Variants in UGT1A4 observed in about 807,000 individuals in gnomAD.
UGT1A4 encodes the protein UDP-glucuronosyltransferase 1A4.
Under a neutral mutation model 41.1 loss-of-function variants are expected in UGT1A4, and 32 were observed. The observed-to-expected ratio is 0.78, with a 90% CI of 0.59 to 1.05. The LOEUF is 1.05. Among genes scored for constraint, UGT1A4 ranks in the 50% least tolerant of loss-of-function variants. The pLI, the probability that UGT1A4 is intolerant of heterozygous loss-of-function variation, is 0.00. For missense variants in UGT1A4, 748 were observed against 677.4 expected (o/e 1.10, Z -1.16); for synonymous variants, 283 against 265.1 (o/e 1.07, Z -0.66).
intron 1 of UGT1A4, among the ~76,000 whole-genome samples, chr2:233,730,768 A>G (rs1007690415): frequency 3.9e-5 from 6 of 152,134 alleles, no homozygotes; most frequent in African/African-American, 1.4e-4. Flanking sequence ...TGAATCTATA[A>G]GCCCAGTGAA....
chr2:233,728,564 A>T (rs2077727018), intron 1 of UGT1A4, among the ~76,000 whole-genome samples: 1 of 152,200 alleles, frequency 6.6e-6, no homozygotes, highest in Non-Finnish European at 1.5e-5. Flanking sequence ...TACAAGAAAT[A>T]TCCTGGTGCG....
chr2:233,718,962 T>G lies in UGT1A4; in HGVS notation c.142T>G (p.Leu48Val), dbSNP rs2011425. The G allele has an allele frequency of 0.094, 152,197 of 1,614,090 alleles. 8,216 individuals are homozygous for G. Among genetic ancestry groups the G allele is most frequent in the South Asian group, 0.19 (17,665 of 91,068 alleles). The change falls in exon 1 of 5, where the codon TTG becomes GTG. Residue 48 changes from leucine to valine, a missense_variant. Transcript: ENST00000373409. ...CCCCTGGCTCAGCATGCGGGAGGCCTTGCGGGAGCTCCATGCCAGAGGCCA... is the reference window on the plus strand; with the variant it reads ...CCCCTGGCTCAGCATGCGGGAGGCCGTGCGGGAGCTCCATGCCAGAGGCCA... The part of the protein sequence containing the change: ...GSPWLSMREA[L>V]RELHARGHQA...
intron 1 of UGT1A4, among the ~76,000 whole-genome samples, chr2:233,749,698 G>A (rs1694252344): frequency 6.6e-6 from 1 of 151,854 alleles, no homozygotes; most frequent in Non-Finnish European, 1.5e-5. Flanking sequence ...TCTGGTGGGA[G>A]GTGATTGGAT....
In UGT1A4 at chr2:233,719,338, G is replaced by T. The variant is rs546499527; in HGVS notation, c.518G>T (p.Trp173Leu). 33 of 1,613,808 alleles carry T rather than the reference G, an allele frequency of 2.0e-5. No homozygotes were observed. Among genetic ancestry groups the T allele is most frequent in the South Asian group, 1.1e-4 (10 of 91,058 alleles). ...KYLSIPAVFF[W>L]RYIPCDLDFK... ...CTGTCGATTCCTGCTGTGTTTTTTT[G>T]GAGGTACATTCCATGTGACTTAGAC... is the stretch of plus-strand genomic sequence containing the variant. The change falls in exon 1 of 5, where the codon TGG becomes TTG. Residue 173 changes from tryptophan (W) to leucine (L), a missense_variant. By Grantham distance (61) the Trp-to-Leu change is moderately conservative (BLOSUM62 -2). Transcript: ENST00000373409.
chr2:233,741,330 A>G lies in UGT1A4; in HGVS notation c.867+21643A>G, dbSNP rs546865407. On this transcript the variant is annotated intron_variant, in intron 1 of 4. Coordinates refer to ENST00000373409, the MANE Select transcript of UGT1A4 (RefSeq NM_007120.3). ...CACACCAACTCATTCTACTCTACCC[A>G]GAGTAGTGATTTCCAACACACAAAA... is the stretch of plus-strand genomic sequence containing the variant. Among the ~76,000 whole-genome samples the G allele has an allele frequency of 1.8e-4, 27 of 151,932 alleles. 1 individual carries two copies. Among genetic ancestry groups the G allele is most frequent in the African/African-American group, 5.6e-4 (23 of 41,194 alleles).
At chr2:233,761,914 T>C (rs28900396) in intron 1 of UGT1A4, among the ~76,000 whole-genome samples, 9,111 of 152,302 alleles carry the variant, frequency 0.06, 854 homozygotes, top group African/African-American at 0.21. Flanking sequence ...GAGGATCTAC[T>C]GGCAGCCCAG....
chr2:233,724,540 G>A (rs1161691820), intron 1 of UGT1A4, among the ~76,000 whole-genome samples: 2 of 122,844 alleles, frequency 1.6e-5, no homozygotes, highest in African/African-American at 3.3e-5. Context: ...CCGGGCAGAG[G>A]CGCTCCTCAC....
chr2:233,768,228 A>G lies in UGT1A4; in HGVS notation c.1096A>G (p.Met366Val), dbSNP rs367784507. 6.8e-6 allele frequency: 11 copies of G among 1,614,094 alleles called. No individual in the cohort carries two copies. Among genetic ancestry groups the G allele is most frequent in the Non-Finnish European group, 9.3e-6 (11 of 1,180,048 alleles). Residue 366 changes from methionine (M) to valine (V), a missense_variant, in exon 4 of 5, where the codon ATG becomes GTG. Physicochemically the swap from Met to Val is conservative, Grantham distance 21. Coordinates refer to ENST00000373409, the MANE Select transcript of UGT1A4 (RefSeq NM_007120.3). ...CCTATTTTGCATCTCAGGTCACCCG[A>G]TGACCCGTGCCTTTATCACCCATGC... ...LPQNDLLGHP[M>V]TRAFITHAGS...
rs375498105 is a variant in UGT1A4 at position 233,743,694 on chromosome 2, C to T, written c.868-23340C>T. 64 of 1,367,302 alleles carry T rather than the reference C, an allele frequency of 4.7e-5. No homozygotes were observed. In the African/African-American group the frequency reaches 6.5e-4, roughly 14 times the overall value. The allele number at this position is 1,367,302 out of a possible 1,614,324, so 84.7% of individuals were successfully genotyped here. A position where few individuals can be genotyped will look rare whatever the true frequency, so the allele number is the denominator to read the frequency against. ...AAGGGCCTGCCGCCTGTGCAGCCGC[C>T]CTCCGCCCCCGCCTCGCCATAGCGG... On this transcript the variant is annotated intron_variant, in intron 1 of 4. Coordinates refer to ENST00000373409, the MANE Select transcript of UGT1A4 (RefSeq NM_007120.3).
At chr2:233,746,305 A>G (rs1693353993) in intron 1 of UGT1A4, among the ~76,000 whole-genome samples, 1 of 151,774 alleles carries the variant, frequency 6.6e-6, no homozygotes, top group Non-Finnish European at 1.5e-5. Context: ...TTTCCCTTGG[A>G]GGGCCCTGTA....
chr2:233,746,165 A>G (rs530256545), intron 1 of UGT1A4, among the ~76,000 whole-genome samples: 2 of 151,990 alleles, frequency 1.3e-5, no homozygotes, highest in South Asian at 4.2e-4. Context: ...CAAAGCCAAA[A>G]TCTTGCCTGT....
chr2:233,765,571 G>A (rs997936570), intron 1 of UGT1A4, among the ~76,000 whole-genome samples: 4 of 152,064 alleles, frequency 2.6e-5, no homozygotes, highest in Admixed American at 2.0e-4. Flanking sequence ...ATGCGTAGAC[G>A]CAGGGAGGGG....
At chr2:233,742,031 C>T (rs1309709104) in intron 1 of UGT1A4, 1 of 151,878 alleles carries the variant, frequency 6.6e-6, no homozygotes, top group African/African-American at 2.4e-5. Context: ...TTTGATATGT[C>T]CCAAGCATAG....
At chr2:233,731,424 A>G (rs1264349452) in intron 1 of UGT1A4, among the ~76,000 whole-genome samples, 1 of 151,642 alleles carries the variant, frequency 6.6e-6, no homozygotes, top group East Asian at 1.9e-4. Context: ...TCCTAATGCC[A>G]TCCCTCCCCC....
chr2:233,737,526 G>A (rs574961545), intron 1 of UGT1A4, among the ~76,000 whole-genome samples: 8 of 152,286 alleles, frequency 5.3e-5, no homozygotes, highest in East Asian at 3.9e-4. Context: ...GTGAGGCGAC[G>A]CCCTGCCCTG....
At chr2:233,763,669 C>T (rs902437322) in intron 1 of UGT1A4, among the ~76,000 whole-genome samples, 1 of 152,168 alleles carries the variant, frequency 6.6e-6, no homozygotes, top group Non-Finnish European at 1.5e-5. Context: ...AACTCCTGAA[C>T]TTTAAGAATA....
chr2:233,732,797 G>A (rs1219460969), intron 1 of UGT1A4, among the ~76,000 whole-genome samples: 2 of 150,530 alleles, frequency 1.3e-5, no homozygotes, highest in Non-Finnish European at 3.0e-5. Context: ...GGCAATGCAG[G>A]CTCTTTTTTG....
At chr2:233,729,403 G>A (rs1559374235) in intron 1 of UGT1A4, 1 of 1,613,838 alleles carries the variant, frequency 6.2e-7, no homozygotes, top group Non-Finnish European at 8.5e-7. Flanking sequence ...TGATCGCCAT[G>A]TGCTGGGCCA....
chr2:233,772,879 G>T lies in UGT1A4; in HGVS notation c.*320G>T. The stretch of plus-strand genomic sequence containing the variant: ...AAACATGGCCTGTTTGGGAGTGCGG[G>T]ATTCAAAGGTGGTCCCACGGCTGCC... On this transcript the variant is annotated 3_prime_UTR_variant, in exon 5 of 5. Transcript: ENST00000373409. The T allele has an allele frequency of 1.7e-6, 1 of 580,054 alleles. No individual in the cohort carries two copies. The allele number at this position is 580,054 out of a possible 1,614,324, so 35.9% of individuals were successfully genotyped here. A position where few individuals can be genotyped will look rare whatever the true frequency, so the allele number is the denominator to read the frequency against.
Sources: gnomAD v4.1 joint callset for allele counts (sites outside exome capture counted in the v4.1 genomes callset) on GRCh38, gnomAD v4.1.1 for gene constraint, MANE v1.5 for transcripts, NCBI Gene and HGNC (gene_info 2026-07-23, HGNC 2026-07-21) for gene names.